TRPM3: variants seen among roughly 807,000 people sequenced by gnomAD.
The protein encoded by TRPM3 is long transient receptor potential channel 3.
A neutral mutation model predicts 181.2 loss-of-function variants in TRPM3; 77 were observed. The observed-to-expected ratio is 0.42, with a 90% CI of 0.35 to 0.51. The LOEUF (loss-of-function observed/expected upper bound fraction) is 0.51, where lower values mean the gene tolerates loss of function less well. TRPM3 is among the 20% of genes least tolerant of loss of function. TRPM3 has a pLI of 0.01. For missense variants in TRPM3, 1,759 were observed against 2,196.7 expected, an observed-to-expected ratio of 0.80 and a Z score of 3.98; for synonymous variants, 745 against 796.4, an observed-to-expected ratio of 0.94 and a Z score of 1.09.
At chr9:70,827,683 C>A in intron 6 of TRPM3, 164 bp downstream of exon 6, 1 of 766,602 alleles carries the variant, frequency 1.3e-6, no homozygotes, top group Non-Finnish European at 2.0e-6. Flanking sequence ...AATTGTTCTC[C>A]TCTGGATGGC....
chr9:71,070,604 A>C (rs963654835), intron 1 of TRPM3, among the ~76,000 whole-genome samples: 4 of 152,250 alleles, frequency 2.6e-5, no homozygotes, highest in African/African-American at 9.6e-5. Flanking sequence ...CTGAATATTC[A>C]CTGTCAACTG....
chr9:71,369,246 T>C (rs1232628548), intron 1 of TRPM3, among the ~76,000 whole-genome samples: 1 of 152,102 alleles, frequency 6.6e-6, no homozygotes, highest in African/African-American at 2.4e-5. Flanking sequence ...AAATTCCTAG[T>C]AATGCTGATG....
chr9:70,991,550 T>G (rs1031789284), intron 1 of TRPM3, among the ~76,000 whole-genome samples: 18 of 99,324 alleles, frequency 1.8e-4, no homozygotes, highest in African/African-American at 7.5e-4. Flanking sequence ...AAATACTATG[T>G]GTCTGTTTTT....
chr9:71,067,587 A>G (rs1244226410), intron 1 of TRPM3, among the ~76,000 whole-genome samples: 1 of 152,252 alleles, frequency 6.6e-6, no homozygotes, highest in Non-Finnish European at 1.5e-5. Flanking sequence ...TAACAATGAC[A>G]ATAACAAAAT....
At chr9:70,786,558 G>A (rs60197911) in intron 6 of TRPM3, among the ~76,000 whole-genome samples, 14,387 of 152,124 alleles carry the variant, frequency 0.095, 759 homozygotes, top group East Asian at 0.13. Context: ...TCTTTGGGAG[G>A]AGAATTTGCT....
intron 1 of TRPM3, among the ~76,000 whole-genome samples, chr9:70,876,469 G>A (rs923386690): frequency 1.5e-4 from 23 of 151,134 alleles, no homozygotes; most frequent in African/African-American, 4.4e-4. Flanking sequence ...ATGATTAGTC[G>A]ATTTAAAAAA....
chr9:70,892,316 C>T (rs1407193233), intron 1 of TRPM3, among the ~76,000 whole-genome samples: 2 of 151,596 alleles, frequency 1.3e-5, no homozygotes, highest in African/African-American at 4.8e-5. Flanking sequence ...AGAGTCTGAA[C>T]ATAAAAAAAG....
intron 1 of TRPM3, among the ~76,000 whole-genome samples, chr9:71,080,606 G>A (rs921757167): frequency 6.6e-6 from 1 of 152,080 alleles, no homozygotes; most frequent in African/African-American, 2.4e-5. Context: ...ATCTCCCACT[G>A]CCTCCTTGGG....
At chr9:71,041,361 A>G (rs890302314) in intron 1 of TRPM3, among the ~76,000 whole-genome samples, 1 of 152,178 alleles carries the variant, frequency 6.6e-6, no homozygotes, top group Non-Finnish European at 1.5e-5. Flanking sequence ...CAAAACGTAA[A>G]AACTTAAAAC....
At chr9:71,309,882 T>C (rs1240552239) in intron 1 of TRPM3, among the ~76,000 whole-genome samples, 1 of 152,110 alleles carries the variant, frequency 6.6e-6, no homozygotes, top group African/African-American at 2.4e-5. Context: ...GAGTGATTTG[T>C]GGGATAAAAC....
intron 22 of TRPM3, among the ~76,000 whole-genome samples, chr9:70,574,060 C>G (rs1482500672): frequency 6.9e-6 from 1 of 145,694 alleles, no homozygotes; most frequent in Admixed American, 6.9e-5. Flanking sequence ...TAGGTTAAAT[C>G]AGCAATTCAT....
At chr9:70,946,764 A>G (rs138762740) in intron 1 of TRPM3, among the ~76,000 whole-genome samples, 12 of 152,164 alleles carry the variant, frequency 7.9e-5, no homozygotes, top group Admixed American at 7.9e-4. Context: ...CAAAGTATTC[A>G]ACATCTTAAC....
chr9:70,982,014 C>G (rs767762504), intron 1 of TRPM3, among the ~76,000 whole-genome samples: 5 of 152,194 alleles, frequency 3.3e-5, no homozygotes, highest in Non-Finnish European at 5.9e-5. Flanking sequence ...AGTTTCCTGA[C>G]ATTTCTCAAA....
intron 9 of TRPM3, among the ~76,000 whole-genome samples, chr9:70,650,803 T>C (rs2059505057): frequency 1.3e-5 from 2 of 152,232 alleles, no homozygotes; most frequent in African/African-American, 4.8e-5. Flanking sequence ...AATTCTGTGA[T>C]GATTCCCCCG....
intron 9 of TRPM3, among the ~76,000 whole-genome samples, chr9:70,644,093 T>C (rs765383948): frequency 6.6e-6 from 1 of 152,224 alleles, no homozygotes; most frequent in Non-Finnish European, 1.5e-5. Flanking sequence ...TATTGAATAC[T>C]CTCTCTGCTG....
chr9:71,006,326 A>G (rs1392420448), intron 1 of TRPM3, among the ~76,000 whole-genome samples: 1 of 152,164 alleles, frequency 6.6e-6, no homozygotes, highest in Admixed American at 6.5e-5. Flanking sequence ...ATGGCAGTAG[A>G]AAACCCGTAC....
At chr9:71,011,785 T>TG (rs2097744736) in intron 1 of TRPM3, among the ~76,000 whole-genome samples, 1 of 134,116 alleles carries the variant, frequency 7.5e-6, no homozygotes, top group African/African-American at 2.9e-5. Flanking sequence ...TTTTTTTGTT[T>TG]TTTTGTTTTT....
At chr9:71,221,405 GGAGCCAA>G (rs2080231710) in intron 1 of TRPM3, among the ~76,000 whole-genome samples, 4 of 151,994 alleles carry the variant, frequency 2.6e-5, no homozygotes, top group African/African-American at 9.7e-5. Flanking sequence ...TAAATTTCTA[GGAGCCAA>G]ATAAAAAATA....
intron 1 of TRPM3, among the ~76,000 whole-genome samples, chr9:71,005,106 C>T (rs1391766782): frequency 6.6e-6 from 1 of 152,078 alleles, no homozygotes; most frequent in Admixed American, 6.5e-5. Context: ...AGAAAGGCAA[C>T]AGCATTAAGA....
Sources: gnomAD v4.1 joint callset for allele counts (sites outside exome capture counted in the v4.1 genomes callset) on GRCh38, gnomAD v4.1.1 for gene constraint, MANE v1.5 for transcripts, NCBI Gene and HGNC (gene_info 2026-07-23, HGNC 2026-07-21) for gene names.